GBE1: variants seen among roughly 807,000 people sequenced by gnomAD.
GBE1 encodes 1,4-alpha-glucan branching enzyme 1.
Under a neutral mutation model 88.8 loss-of-function variants are expected in GBE1, and 70 were observed. The ratio of observed to expected loss-of-function variants is 0.79; its 90% confidence interval spans 0.65 to 0.96. GBE1 has a LOEUF of 0.96. Among genes scored for constraint, GBE1 ranks in the 40% least tolerant of loss-of-function variants. The probability of loss-of-function intolerance (pLI) is 0.00; values close to 1 mark genes in which losing one functional copy is unlikely to be tolerated. For missense variants in GBE1, 872 were observed against 871.0 expected (o/e 1.00, Z -0.01); for synonymous variants, 284 against 300.1 (o/e 0.95, Z 0.56).
intron 3 of GBE1, among the ~76,000 whole-genome samples, chr3:81,651,330 C>G (rs561994171): frequency 6.6e-6 from 1 of 152,322 alleles, no homozygotes; most frequent in South Asian, 2.1e-4. Flanking sequence ...CTTCTCTTCT[C>G]TGAACAGGCT....
At chr3:81,501,524 G>A (rs945477632) in intron 14 of GBE1, among the ~76,000 whole-genome samples, 6 of 151,884 alleles carry the variant, frequency 4.0e-5, no homozygotes, top group East Asian at 1.9e-4. Flanking sequence ...TTCTGAACCC[G>A]TTCCTAACCA....
chr3:81,566,639 A>G (rs74373325), intron 12 of GBE1, among the ~76,000 whole-genome samples: 1,526 of 152,112 alleles, frequency 0.01, 20 homozygotes, highest in African/African-American at 0.035. Context: ...CATACCTTCT[A>G]TTTTTTCAAA....
At chr3:81,559,349 G>A (rs1703389792) in intron 12 of GBE1, among the ~76,000 whole-genome samples, 1 of 151,934 alleles carries the variant, frequency 6.6e-6, no homozygotes, top group Non-Finnish European at 1.5e-5. Context: ...CAACCCTGGT[G>A]TAGAAGGCCC....
At chr3:81,696,978 C>T (rs1337858113) in intron 2 of GBE1, among the ~76,000 whole-genome samples, 1 of 152,106 alleles carries the variant, frequency 6.6e-6, no homozygotes, top group Non-Finnish European at 1.5e-5. Flanking sequence ...CTCCCCACCA[C>T]CAAGCAGCAG....
rs149623024 is a variant in GBE1, at chr3:81,531,398, CT to C, written c.1934+3796del. On this transcript the variant is annotated intron_variant, in intron 14 of 15. Transcript: ENST00000429644. Reference sequence around the variant, plus strand: ...CTCTCCTTTCCTCAGGCAGGAGTCTCTTCCCATGGCCAACACATCTGGGAAT... The same window carrying C: ...CTCTCCTTTCCTCAGGCAGGAGTCTCTCCCATGGCCAACACATCTGGGAAT... 5.9e-3 allele frequency among the ~76,000 whole-genome samples: 890 copies of C among 151,834 alleles called. 6 individuals carry two copies. Among genetic ancestry groups the C allele is most frequent in the African/African-American group, 0.017 (704 of 41,434 alleles).
At chr3:81,593,404 T>C (rs1703908149) in intron 8 of GBE1, among the ~76,000 whole-genome samples, 1 of 99,242 alleles carries the variant, frequency 1.0e-5, no homozygotes, top group South Asian at 2.8e-4. Flanking sequence ...TAATAATTGT[T>C]CCCATGTCAT....
At chr3:81,697,009 A>G (rs1005867150) in intron 2 of GBE1, among the ~76,000 whole-genome samples, 3 of 152,064 alleles carry the variant, frequency 2.0e-5, no homozygotes, top group African/African-American at 7.2e-5. Flanking sequence ...GGTGTCCTCC[A>G]ATTCAATCCT....
intron 2 of GBE1, among the ~76,000 whole-genome samples, chr3:81,682,414 A>G (rs1705360282): frequency 6.6e-6 from 1 of 152,182 alleles, no homozygotes; most frequent in Admixed American, 6.6e-5. Flanking sequence ...GCCAGCCATG[A>G]TCACACCACT....
chr3:81,730,102 A>C (rs900390090), intron 1 of GBE1, among the ~76,000 whole-genome samples: 1 of 152,144 alleles, frequency 6.6e-6, no homozygotes, highest in Non-Finnish European at 1.5e-5. Flanking sequence ...GTGTTACATG[A>C]CACAACAGGG....
intron 1 of GBE1, among the ~76,000 whole-genome samples, chr3:81,740,297 T>C (rs1225463625): frequency 6.6e-6 from 1 of 152,144 alleles, no homozygotes; most frequent in Non-Finnish European, 1.5e-5. Flanking sequence ...TCTATTCTTT[T>C]CCACTTTTGT....
chr3:81,658,418 T>A (rs1054175143), intron 3 of GBE1, among the ~76,000 whole-genome samples: 2 of 152,104 alleles, frequency 1.3e-5, no homozygotes, highest in Non-Finnish European at 2.9e-5. Context: ...AATTAGAGAA[T>A]TATAAATATA....
chr3:81,653,619 A>T (rs1483060927), intron 3 of GBE1, among the ~76,000 whole-genome samples: 1 of 152,226 alleles, frequency 6.6e-6, no homozygotes, highest in East Asian at 1.9e-4. Flanking sequence ...TCTTGGTGCT[A>T]CTTCTATTAG....
At chr3:81,701,964 A>G (rs1340867602) in intron 2 of GBE1, among the ~76,000 whole-genome samples, 1 of 151,286 alleles carries the variant, frequency 6.6e-6, no homozygotes, top group Non-Finnish European at 1.5e-5. Context: ...TAACTAAAAT[A>G]GTCTCAGGTC....
chr3:81,745,016 T>G (rs1706401750), intron 1 of GBE1, among the ~76,000 whole-genome samples: 1 of 152,282 alleles, frequency 6.6e-6, no homozygotes, highest in South Asian at 2.1e-4. Flanking sequence ...ACACTGAACT[T>G]TGTGATTAAA....
At position 81,543,402 on chromosome 3, in the gene GBE1, C is replaced by T. The variant is rs1261562794; in HGVS notation, c.1619-6307G>A. ...TTAAGTTTAATGTAGACAAACGCAA[C>T]ATTAAATTTCATATTTGGTTCAAAA... On this transcript the variant is annotated intron_variant, in intron 12 of 15. Transcript: ENST00000429644. 6.6e-5 allele frequency among the ~76,000 whole-genome samples: 10 copies of T among 151,952 alleles called. 1 individual carries two copies. The highest frequency in any genetic ancestry group is 1.5e-4 in the Non-Finnish European group (10 of 67,958).
Position 81,642,777 on chromosome 3 carries a change from C to A in GBE1, c.992+4G>T. On this transcript the variant is annotated splice_donor_region_variant and intron_variant, in intron 7 of 15. Coordinates refer to ENST00000429644, the MANE Select transcript of GBE1 (RefSeq NM_000158.4). The stretch of plus-strand genomic sequence containing the variant: ...GAAAACATTTCTATATTGTATGTAC[C>A]TACCTGGAGTAGGCAAACAATCTGC... 1 of 1,568,814 alleles carries A rather than the reference C, an allele frequency of 6.4e-7. No individual in the cohort carries two copies. The highest frequency in any genetic ancestry group is 1.1e-5 in the South Asian group (1 of 90,102).
chr3:81,726,072 G>A (rs1266247322), intron 1 of GBE1, among the ~76,000 whole-genome samples: 2 of 151,348 alleles, frequency 1.3e-5, no homozygotes, highest in African/African-American at 4.9e-5. Context: ...TAGCTTTTTA[G>A]AGGAATATGA....
chr3:81,514,804 C>T (rs1407564046), intron 14 of GBE1, among the ~76,000 whole-genome samples: 1 of 151,564 alleles, frequency 6.6e-6, no homozygotes, highest in Non-Finnish European at 1.5e-5. Flanking sequence ...TTAAGAAGAG[C>T]TTCACGGAAA....
At chr3:81,602,638 C>A (rs1239289375) in intron 7 of GBE1, among the ~76,000 whole-genome samples, 1 of 152,006 alleles carries the variant, frequency 6.6e-6, no homozygotes, top group East Asian at 1.9e-4. Context: ...CCCAAAGGCC[C>A]CACTTCCTAA....
Sources: allele counts gnomAD v4.1 joint callset (sites outside exome capture counted in the v4.1 genomes callset), GRCh38; gene constraint gnomAD v4.1.1; transcripts MANE v1.5; gene names NCBI Gene and HGNC (gene_info 2026-07-23, HGNC 2026-07-21).